CLECL1: variants seen among roughly 807,000 people sequenced by gnomAD.
CLECL1 encodes the protein C-type lectin-like domain family 1.
In CLECL1 at chr12:9,732,519, T is replaced by C. The variant is rs115799274; in HGVS notation, n.82+430A>G. ...TTTTCTTAAGTTTACATTTTTATCCTATTGATATTGTAAAAGAATAAATAA... is the reference window on the plus strand; with the variant it reads ...TTTTCTTAAGTTTACATTTTTATCCCATTGATATTGTAAAAGAATAAATAA... On this transcript the variant is annotated intron_variant and non_coding_transcript_variant, in intron 1 of 3. Coordinates refer to ENST00000621400, the Ensembl canonical transcript of CLECL1. 3.1e-3 allele frequency among the ~76,000 whole-genome samples: 476 copies of C among 152,362 alleles called. 4 individuals are homozygous for C. Among genetic ancestry groups the C allele is most frequent in the African/African-American group, 0.011 (455 of 41,576 alleles).
exon 1 of CLECL1, chr12:9,732,971 G>A (rs770544921): frequency 4.4e-6 from 7 of 1,605,614 alleles, no homozygotes; most frequent in East Asian, 2.2e-5. Flanking sequence ...GTGGAAACGC[G>A]AGTTCTAACG....
At chr12:9,704,361 A>G in the CLECL1 span, among the ~76,000 whole-genome samples, 1 of 152,180 alleles carries the variant, frequency 6.6e-6, no homozygotes, top group Admixed American at 6.5e-5. Context: ...CAGTTATTTC[A>G]CAATTTTCAT....
chr12:9,721,165 T>A (rs1345743100), downstream of CLECL1, among the ~76,000 whole-genome samples: 1 of 152,180 alleles, frequency 6.6e-6, no homozygotes, highest in Non-Finnish European at 1.5e-5. Context: ...TTCATACTTC[T>A]TATTTTATTT....
At chr12:9,718,816 C>T, downstream of CLECL1, 1 of 688,268 alleles carries the variant, frequency 1.5e-6, no homozygotes, top group East Asian at 2.7e-5. Context: ...ACCAAACCTG[C>T]CAACAACCTT....
At chr12:9,710,876 G>A (rs1253441980), downstream of CLECL1, among the ~76,000 whole-genome samples, 1 of 152,108 alleles carries the variant, frequency 6.6e-6, no homozygotes, top group Non-Finnish European at 1.5e-5. Flanking sequence ...CCCATCTGCT[G>A]GTAGCTATTT....
exon 1 of CLECL1, chr12:9,732,949 C>G: frequency 2.5e-6 from 4 of 1,593,924 alleles, no homozygotes; most frequent in Non-Finnish European, 3.4e-6. Context: ...TCCAGCTTAC[C>G]AGATCTCTGA....
downstream of CLECL1, among the ~76,000 whole-genome samples, chr12:9,712,974 TGGA>T (rs1866210254): frequency 6.6e-6 from 1 of 152,138 alleles, no homozygotes; most frequent in Non-Finnish European, 1.5e-5. Context: ...GACACCAAGT[TGGA>T]GAAGGAAGGA....
downstream of CLECL1, among the ~76,000 whole-genome samples, chr12:9,711,876 T>C (rs117016846): frequency 7.7e-3 from 1,172 of 152,278 alleles, 6 homozygotes; most frequent in Non-Finnish European, 0.013. Flanking sequence ...CTGACATTCC[T>C]ACAATGATAG....
chr12:9,713,631 G>A (rs1044112954), downstream of CLECL1, among the ~76,000 whole-genome samples: 1 of 152,194 alleles, frequency 6.6e-6, no homozygotes, highest in African/African-American at 2.4e-5. Context: ...CTTTTTATTA[G>A]GGGAAGTTCT....
chr12:9,707,111 C>A, the CLECL1 span, among the ~76,000 whole-genome samples: 1 of 152,080 alleles, frequency 6.6e-6, no homozygotes, highest in Non-Finnish European at 1.5e-5. Flanking sequence ...GAAATTTATC[C>A]ATTTCTTCTA....
chr12:9,704,102 A>T, the CLECL1 span: 2 of 152,242 alleles, frequency 1.3e-5, no homozygotes, highest in African/African-American at 4.8e-5. Context: ...CATTTAGTTT[A>T]CAAGACATAT....
chr12:9,704,228 G>T, the CLECL1 span: 1 of 151,942 alleles, frequency 6.6e-6, no homozygotes, highest in Admixed American at 6.6e-5. Context: ...AATTTTAATT[G>T]CACAAGGAGA....
the CLECL1 span, among the ~76,000 whole-genome samples, chr12:9,709,648 CA>C: frequency 4.6e-5 from 7 of 152,174 alleles, no homozygotes; most frequent in African/African-American, 1.7e-4. Context: ...AGCTTTGTAT[CA>C]CATATAGCGT....
At chr12:9,709,160 T>A in the CLECL1 span, 1 of 153,280 alleles carries the variant, frequency 6.5e-6, no homozygotes, top group Non-Finnish European at 1.5e-5. Flanking sequence ...ATCGAGACCT[T>A]GGCTAACAAT....
At chr12:9,731,825 A>T (rs1220364764) in intron 1 of CLECL1, among the ~76,000 whole-genome samples, 1 of 152,262 alleles carries the variant, frequency 6.6e-6, no homozygotes, top group Non-Finnish European at 1.5e-5. Context: ...CAGAAAGGCA[A>T]TTAAACCCTG....
intron 2 of CLECL1, among the ~76,000 whole-genome samples, chr12:9,717,312 G>A (rs1866250089): frequency 6.6e-6 from 1 of 152,162 alleles, no homozygotes; most frequent in East Asian, 1.9e-4. Context: ...GTAATGAGCA[G>A]AAACCCCGTA....
downstream of CLECL1, chr12:9,718,614 C>G: frequency 1.6e-6 from 1 of 626,474 alleles, no homozygotes; most frequent in Non-Finnish European, 2.8e-6. Flanking sequence ...TATGGAGACA[C>G]AACCTTTAAA....
intron 1 of CLECL1, among the ~76,000 whole-genome samples, chr12:9,731,485 G>C (rs1211705969): frequency 6.6e-5 from 10 of 152,206 alleles, no homozygotes; most frequent in African/African-American, 2.2e-4. Flanking sequence ...AAGGTATGAG[G>C]TTAGAAGAGA....
intron 2 of CLECL1, chr12:9,716,797 A>C (rs1866244192): frequency 8.0e-7 from 1 of 1,252,678 alleles, no homozygotes; most frequent in South Asian, 1.3e-5. Context: ...GAGGAGAAAG[A>C]AAATAATGAG....
Sources: gnomAD v4.1 joint callset for allele counts (sites outside exome capture counted in the v4.1 genomes callset) on GRCh38, gnomAD v4.1.1 for gene constraint, MANE v1.5 for transcripts, NCBI Gene and HGNC (gene_info 2026-07-23, HGNC 2026-07-21) for gene names.